The following SLC27A2 variants were observed in gnomAD, a reference collection of about 807,000 sequenced individuals.
The protein encoded by SLC27A2 is solute carrier family 27 member 2, also known as long-chain fatty acid transport protein 2.
A neutral mutation model predicts 60.0 loss-of-function variants in SLC27A2; 54 were observed. The observed-to-expected ratio is 0.90, with a 90% CI of 0.72 to 1.13. The LOEUF (loss-of-function observed/expected upper bound fraction) is 1.13, where lower values mean the gene tolerates loss of function less well. Ranked by LOEUF, SLC27A2 falls within the 50% of genes most tolerant of loss-of-function variation. SLC27A2 has a pLI of 0.00. For synonymous variants in SLC27A2, 297 were observed against 297.6 expected (o/e 1.00, Z 0.02); for missense variants, 739 against 777.6 (o/e 0.95, Z 0.59).
At chr15:50,185,330 C>T (rs1212065615) in intron 1 of SLC27A2, among the ~76,000 whole-genome samples, 1 of 152,160 alleles carries the variant, frequency 6.6e-6, no homozygotes, top group African/African-American at 2.4e-5. Context: ...GGACCGTCAA[C>T]TGACCTCTGA....
intron 4 of SLC27A2, among the ~76,000 whole-genome samples, chr15:50,217,898 A>G (rs2045211410): frequency 6.6e-6 from 1 of 151,976 alleles, no homozygotes; most frequent in Admixed American, 6.5e-5. Flanking sequence ...TACTAAAAAT[A>G]CAAAAATTAG....
At chr15:50,228,373 C>A (rs1364745615) in intron 7 of SLC27A2, among the ~76,000 whole-genome samples, 6 of 81,574 alleles carry the variant, frequency 7.4e-5, no homozygotes, top group African/African-American at 2.8e-4. Flanking sequence ...TGAGACTCTG[C>A]CTCAAAAAAA....
intron 7 of SLC27A2, 115 bp from the exon 8 acceptor site, chr15:50,228,830 T>G: frequency 2.8e-6 from 2 of 724,240 alleles, no homozygotes; most frequent in Non-Finnish European, 4.9e-6. Context: ...GGGGCCAAGA[T>G]GAGGAACACG....
At chr15:50,219,050 A>G (rs1489596059) in intron 4 of SLC27A2, among the ~76,000 whole-genome samples, 1 of 152,258 alleles carries the variant, frequency 6.6e-6, no homozygotes, top group Non-Finnish European at 1.5e-5. Context: ...TTCATAGTGT[A>G]TTACTTGGCT....
chr15:50,190,212 A>T (rs1037291146), intron 1 of SLC27A2, among the ~76,000 whole-genome samples: 2 of 152,188 alleles, frequency 1.3e-5, no homozygotes, highest in Non-Finnish European at 2.9e-5. Flanking sequence ...GCATTTTAGG[A>T]ACTATTTTTA....
chr15:50,199,456 C>T (rs28545814), intron 2 of SLC27A2, among the ~76,000 whole-genome samples: 5,147 of 130,698 alleles, frequency 0.039, 117 homozygotes, highest in African/African-American at 0.075. Context: ...CCAGCCTGGG[C>T]GACAGAGCGA....
intron 5 of SLC27A2, among the ~76,000 whole-genome samples, chr15:50,225,447 C>A (rs1419002386): frequency 6.6e-6 from 1 of 152,000 alleles, no homozygotes; most frequent in African/African-American, 2.4e-5. Flanking sequence ...TCCTTAGAAA[C>A]ATGAAAAATC....
At chr15:50,229,787 C>G (rs2045304437) in intron 8 of SLC27A2, among the ~76,000 whole-genome samples, 1 of 152,122 alleles carries the variant, frequency 6.6e-6, no homozygotes, top group African/African-American at 2.4e-5. Context: ...GGATTCCAGC[C>G]TCAAAATTAC....
chr15:50,210,336 T>C (rs970097852), intron 4 of SLC27A2, among the ~76,000 whole-genome samples: 2 of 152,018 alleles, frequency 1.3e-5, no homozygotes, highest in African/African-American at 4.8e-5. Flanking sequence ...ACTGCAGAAG[T>C]GGGAAAGGGA....
rs2045332228 is a variant in SLC27A2 at position 50,233,924 on chromosome 15, G to A, written c.1612G>A (p.Asp538Asn). The stretch of plus-strand genomic sequence containing the variant: ...CAAAATGAAAGAAAACCATGAATTT[G>A]ATGGAAAGAAACTCTTTCAGCACAT... ...SIKMKENHEF[D>N]GKKLFQHIAD... is the part of the protein sequence containing the mutation. Residue 538 changes from aspartate to asparagine, a missense_variant, in exon 9 of 10, where the codon GAT (aspartate) becomes AAT (asparagine). By Grantham distance (23) the Asp-to-Asn change is conservative (BLOSUM62 1). Coordinates refer to ENST00000267842, the MANE Select transcript of SLC27A2 (RefSeq NM_003645.4). 1 of 1,613,928 alleles carries A rather than the reference G, an allele frequency of 6.2e-7. No homozygotes were observed. The highest frequency in any genetic ancestry group is 8.5e-7 in the Non-Finnish European group (1 of 1,179,858).
intron 1 of SLC27A2, among the ~76,000 whole-genome samples, chr15:50,184,454 A>G (rs1283654503): frequency 6.6e-6 from 1 of 152,200 alleles, no homozygotes; most frequent in East Asian, 1.9e-4. Flanking sequence ...CACTTGTGAG[A>G]AACCAGGAAT....
At position 50,182,749 on chromosome 15, in the gene SLC27A2, G is replaced by A; in HGVS notation, c.322G>A (p.Ala108Thr). ...CGGCCTGCGCCAGGGAGACTGCGTG[G>A]CGCTCCTTATGGGTAACGAGCCGGC... Reference protein sequence around the residue: ...HLGLRQGDCVALLMGNEPAYV... With the variant: ...HLGLRQGDCVTLLMGNEPAYV... Residue 108 changes from alanine to threonine, a missense_variant, in exon 1 of 10, where the codon GCG becomes ACG. Physicochemically the swap from Ala to Thr is moderately conservative, Grantham distance 58. Coordinates refer to ENST00000267842, the MANE Select transcript of SLC27A2 (RefSeq NM_003645.4). 6.2e-7 allele frequency: 1 copy of A among 1,613,906 alleles called. No individual in the cohort carries two copies. Among genetic ancestry groups the A allele is most frequent in the South Asian group, 1.1e-5 (1 of 91,084 alleles).
chr15:50,212,778 T>A (rs1339753829), intron 4 of SLC27A2, among the ~76,000 whole-genome samples: 5 of 151,232 alleles, frequency 3.3e-5, no homozygotes, highest in Non-Finnish European at 7.4e-5. Context: ...CTACAAGACC[T>A]GCTAAAAGAA....
At chr15:50,187,192 T>C (rs919399232) in intron 1 of SLC27A2, among the ~76,000 whole-genome samples, 3 of 152,222 alleles carry the variant, frequency 2.0e-5, no homozygotes, top group Non-Finnish European at 2.9e-5. Context: ...AGCAGCACTG[T>C]TTCCCAGAGA....
intron 4 of SLC27A2, among the ~76,000 whole-genome samples, chr15:50,215,834 C>T (rs959737944): frequency 6.6e-6 from 1 of 152,134 alleles, no homozygotes; most frequent in Admixed American, 6.5e-5. Context: ...AGAACTTAAA[C>T]CTGACACGCG....
At position 50,182,633 on chromosome 15, in the gene SLC27A2, A is replaced by G; in HGVS notation, c.206A>G (p.Lys69Arg). 1 of 1,613,898 alleles carries G rather than the reference A, an allele frequency of 6.2e-7. No homozygotes were observed. Among genetic ancestry groups the G allele is most frequent in the Non-Finnish European group, 8.5e-7 (1 of 1,179,886 alleles). ...FLEKARQTPH[K>R]PFLLFRDETL... ...GAGAAAGCGCGCCAGACGCCACACA[A>G]GCCTTTTCTGCTCTTCCGCGACGAG... The change falls in exon 1 of 10, where the codon AAG (lysine) becomes AGG (arginine). Residue 69 changes from lysine to arginine, a missense_variant. By Grantham distance (26) the Lys-to-Arg change is conservative. Coordinates refer to ENST00000267842, the MANE Select transcript of SLC27A2 (RefSeq NM_003645.4).
chr15:50,199,741 C>T (rs2045050445), intron 2 of SLC27A2, among the ~76,000 whole-genome samples: 1 of 151,932 alleles, frequency 6.6e-6, no homozygotes, highest in African/African-American at 2.4e-5. Context: ...CCAGGCTGGG[C>T]AACATAGCGA....
intron 4 of SLC27A2, among the ~76,000 whole-genome samples, chr15:50,216,443 A>G (rs1438693769): frequency 1.3e-5 from 2 of 151,812 alleles, no homozygotes; most frequent in Admixed American, 1.3e-4. Context: ...TGATCCAGCA[A>G]TCCCACTTAC....
intron 5 of SLC27A2, among the ~76,000 whole-genome samples, chr15:50,224,903 C>T (rs2045268890): frequency 6.6e-6 from 1 of 152,118 alleles, no homozygotes. Context: ...GGAACTGCTG[C>T]TGAGGGTCAG....
Sources: allele counts gnomAD v4.1 joint callset (sites outside exome capture counted in the v4.1 genomes callset), GRCh38; gene constraint gnomAD v4.1.1; transcripts MANE v1.5; gene names NCBI Gene and HGNC (gene_info 2026-07-23, HGNC 2026-07-21).